The following DLC1 variants were observed in gnomAD, a reference collection of about 807,000 sequenced individuals.
The protein encoded by DLC1 is rho GTPase-activating protein 7.
Under a neutral mutation model 140.3 loss-of-function variants are expected in DLC1, and 54 were observed. That is an observed-to-expected ratio of 0.38 (90% CI 0.31 to 0.48). DLC1 has a LOEUF of 0.48. Among genes scored for constraint, DLC1 ranks in the 20% least tolerant of loss-of-function variants. The pLI, the probability that DLC1 is intolerant of heterozygous loss-of-function variation, is 0.96. For synonymous variants in DLC1, 986 were observed against 728.1 expected (o/e 1.35, Z -5.70); for missense variants, 2,536 against 1,907.0 (o/e 1.33, Z -6.14).
intron 5 of DLC1, among the ~76,000 whole-genome samples, chr8:13,183,778 T>C (rs1390500604): frequency 1.3e-5 from 2 of 152,138 alleles, no homozygotes; most frequent in Non-Finnish European, 1.5e-5. Context: ...TAAAATTCTC[T>C]TTTTTTGTTG....
chr8:13,143,656 C>G (rs952273104), intron 5 of DLC1, among the ~76,000 whole-genome samples: 1 of 150,780 alleles, frequency 6.6e-6, no homozygotes, highest in Non-Finnish European at 1.5e-5. Flanking sequence ...TTGGTGTCCT[C>G]TCACCTTAGC....
chr8:13,293,470 G>C (rs1003019579), intron 5 of DLC1, among the ~76,000 whole-genome samples: 1 of 152,128 alleles, frequency 6.6e-6, no homozygotes, highest in African/African-American at 2.4e-5. Flanking sequence ...GAAAAGTCCT[G>C]GACATGGATA....
At chr8:13,572,535 G>T (rs1438059518) in intron 1 of DLC1, among the ~76,000 whole-genome samples, 1 of 152,006 alleles carries the variant, frequency 6.6e-6, no homozygotes, top group Non-Finnish European at 1.5e-5. Flanking sequence ...TGCTTTTGGT[G>T]TCATATGTAA....
chr8:13,500,495 A>C (rs1801765736), intron 1 of DLC1, among the ~76,000 whole-genome samples: 1 of 152,244 alleles, frequency 6.6e-6, no homozygotes, highest in Non-Finnish European at 1.5e-5. Flanking sequence ...TTAAGAAAAT[A>C]TGTGAAATGC....
chr8:13,522,539 C>T (rs914245300), intron 1 of DLC1, among the ~76,000 whole-genome samples: 3 of 151,994 alleles, frequency 2.0e-5, no homozygotes, highest in Non-Finnish European at 4.4e-5. Context: ...GCAGGAGAAT[C>T]GCTTGAACCC....
intron 4 of DLC1, among the ~76,000 whole-genome samples, chr8:13,371,886 T>C (rs922153674): frequency 6.6e-6 from 1 of 152,078 alleles, no homozygotes; most frequent in Admixed American, 6.6e-5. Flanking sequence ...GTAAATGTAA[T>C]GTACAGACCA....
chr8:13,412,248 A>T (rs937408581), intron 2 of DLC1, among the ~76,000 whole-genome samples: 18 of 152,218 alleles, frequency 1.2e-4, no homozygotes, highest in Non-Finnish European at 2.4e-4. Context: ...ATGAGAATTA[A>T]TATTTTTTTC....
intron 5 of DLC1, among the ~76,000 whole-genome samples, chr8:13,191,523 C>T (rs571445998): frequency 1.5e-4 from 23 of 152,304 alleles, no homozygotes; most frequent in East Asian, 9.7e-4. Flanking sequence ...CCTTAACGAC[C>T]AGAACAGTAA....
intron 4 of DLC1, among the ~76,000 whole-genome samples, chr8:13,389,184 T>C (rs997560635): frequency 6.6e-6 from 1 of 152,084 alleles, no homozygotes. Flanking sequence ...AAATATTTGA[T>C]TAATAGTGAT....
At chr8:13,092,368 G>C (rs778895546) in intron 13 of DLC1, among the ~76,000 whole-genome samples, 1 of 152,254 alleles carries the variant, frequency 6.6e-6, no homozygotes, top group Admixed American at 6.5e-5. Flanking sequence ...CTTTAGAGCT[G>C]AGGAAAAGGA....
At chr8:13,187,516 C>G (rs552495900) in intron 5 of DLC1, among the ~76,000 whole-genome samples, 44 of 152,206 alleles carry the variant, frequency 2.9e-4, no homozygotes, top group African/African-American at 9.4e-4. Flanking sequence ...CTCTGTGATT[C>G]TTTGAGGACG....
intron 1 of DLC1, among the ~76,000 whole-genome samples, chr8:13,579,369 A>ATT (rs1804983380): frequency 3.3e-5 from 2 of 59,886 alleles, no homozygotes; most frequent in Admixed American, 2.5e-4. Flanking sequence ...ATATTTTTAT[A>ATT]TAATACATAT....
chr8:13,254,417 C>T (rs953267423), intron 5 of DLC1, among the ~76,000 whole-genome samples: 2 of 152,056 alleles, frequency 1.3e-5, no homozygotes, highest in East Asian at 3.9e-4. Context: ...ATCTCCAGAT[C>T]GTTGAAGAAC....
At chr8:13,150,110 C>T (rs941043383) in intron 5 of DLC1, among the ~76,000 whole-genome samples, 3 of 151,654 alleles carry the variant, frequency 2.0e-5, no homozygotes, top group Admixed American at 6.6e-5. Flanking sequence ...TGTGTATGTG[C>T]GGGTGAATAT....
intron 1 of DLC1, among the ~76,000 whole-genome samples, chr8:13,513,528 T>A (rs372022708): frequency 9.9e-5 from 15 of 152,252 alleles, no homozygotes; most frequent in East Asian, 9.6e-4. Flanking sequence ...TAGCTCTCCA[T>A]CTTTCACTTA....
intron 5 of DLC1, among the ~76,000 whole-genome samples, chr8:13,186,966 G>A (rs1390766613): frequency 6.6e-6 from 1 of 152,150 alleles, no homozygotes; most frequent in African/African-American, 2.4e-5. Context: ...CTGTTTGCCT[G>A]GGTATCACCA....
intron 5 of DLC1, among the ~76,000 whole-genome samples, chr8:13,281,771 A>T (rs796624108): frequency 6.6e-6 from 1 of 152,202 alleles, no homozygotes; most frequent in Non-Finnish European, 1.5e-5. Context: ...TAGGGAAGAG[A>T]GAAGGACTTC....
intron 4 of DLC1, among the ~76,000 whole-genome samples, chr8:13,388,207 C>G (rs1032392279): frequency 6.6e-6 from 1 of 151,984 alleles, no homozygotes; most frequent in Non-Finnish European, 1.5e-5. Context: ...ATAAATAACA[C>G]TCCACTGAAA....
chr8:13,162,612 G>C, intron 5 of DLC1, among the ~76,000 whole-genome samples: 1 of 152,068 alleles, frequency 6.6e-6, no homozygotes, highest in East Asian at 1.9e-4. Context: ...CGTGAGCCAC[G>C]GCTCCCAGCC....
Sources: gnomAD v4.1 joint callset for allele counts (sites outside exome capture counted in the v4.1 genomes callset) on GRCh38, gnomAD v4.1.1 for gene constraint, MANE v1.5 for transcripts, NCBI Gene and HGNC (gene_info 2026-07-23, HGNC 2026-07-21) for gene names.